The following COBLL1 variants were observed in gnomAD, a reference collection of about 807,000 sequenced individuals.
The protein encoded by COBLL1 is cordon-bleu WH2 repeat protein like 1.
In COBLL1, 50 loss-of-function variants were observed where a neutral mutation model predicts 94.8. That is an observed-to-expected ratio of 0.53 (90% CI 0.42 to 0.67). COBLL1 has a LOEUF of 0.67. Among genes scored for constraint, COBLL1 ranks in the 30% least tolerant of loss-of-function variants. The pLI is 0.00. For synonymous variants in COBLL1, 448 were observed against 473.8 expected, an observed-to-expected ratio of 0.95 and a Z score of 0.71; for missense variants, 1,362 against 1,348.7, an observed-to-expected ratio of 1.01 and a Z score of -0.15.
At position 164,805,569 on chromosome 2, in the gene COBLL1, A is replaced by G. The variant is rs558843079; in HGVS notation, c.41+35587T>C. Among the ~76,000 whole-genome samples, 4 of 151,414 alleles carry G rather than the reference A, an allele frequency of 2.6e-5. No homozygotes were observed. In the East Asian group the frequency reaches 5.8e-4, roughly 22 times the overall value. ...GCTGTCACCATAGTTTATGTTATAT[A>G]GTTGGAATAATATAGTATGTAGCCT... On this transcript the variant is annotated intron_variant, in intron 2 of 13. Transcript: ENST00000652658.
intron 2 of COBLL1, among the ~76,000 whole-genome samples, chr2:164,662,831 G>A (rs770540361): frequency 1.2e-4 from 18 of 152,032 alleles, no homozygotes; most frequent in Non-Finnish European, 1.9e-4. Context: ...CTTGCCTTCC[G>A]CCATAAGTCA....
intron 2 of COBLL1, among the ~76,000 whole-genome samples, chr2:164,660,854 T>C (rs1691058647): frequency 2.0e-5 from 3 of 152,158 alleles, no homozygotes; most frequent in Non-Finnish European, 4.4e-5. Context: ...CATTACAAAA[T>C]GGGTTTGATT....
intron 2 of COBLL1, among the ~76,000 whole-genome samples, chr2:164,752,549 C>T (rs535330201): frequency 6.6e-6 from 1 of 152,270 alleles, no homozygotes; most frequent in Non-Finnish European, 1.5e-5. Context: ...GAGGCAGTTA[C>T]CACTGCCATT....
At chr2:164,753,908 A>C (rs1687259786) in intron 2 of COBLL1, among the ~76,000 whole-genome samples, 1 of 151,806 alleles carries the variant, frequency 6.6e-6, no homozygotes, top group Non-Finnish European at 1.5e-5. Context: ...TGCCCAGCTA[A>C]TTTTTGTAGA....
downstream of COBLL1, among the ~76,000 whole-genome samples, chr2:164,677,222 T>A (rs886756472): frequency 1.3e-5 from 2 of 152,126 alleles, no homozygotes; most frequent in Non-Finnish European, 2.9e-5. Context: ...TCTGTGCCCA[T>A]CGGAACTTGG....
At chr2:164,781,408 T>C (rs933584154) in intron 2 of COBLL1, among the ~76,000 whole-genome samples, 1 of 152,160 alleles carries the variant, frequency 6.6e-6, no homozygotes, top group South Asian at 2.1e-4. Context: ...TGGGCCAATA[T>C]TTAATTTTTA....
chr2:164,757,816 T>TAAA (rs1687486747), intron 2 of COBLL1, among the ~76,000 whole-genome samples: 2 of 150,686 alleles, frequency 1.3e-5, no homozygotes, highest in South Asian at 4.2e-4. Flanking sequence ...TCTCAAAAAA[T>TAAA]AATAATAATA....
At chr2:164,837,026 C>T (rs1435859163) in intron 2 of COBLL1, among the ~76,000 whole-genome samples, 1 of 152,152 alleles carries the variant, frequency 6.6e-6, no homozygotes. Context: ...ACTTTAGAAC[C>T]AATAACACTC....
chr2:164,757,150 C>T (rs954459562), intron 2 of COBLL1, among the ~76,000 whole-genome samples: 8 of 152,086 alleles, frequency 5.3e-5, no homozygotes, highest in Admixed American at 1.3e-4. Flanking sequence ...TGAGAACCAC[C>T]GGTCTCATAT....
intron 4 of COBLL1, among the ~76,000 whole-genome samples, chr2:164,728,461 G>A (rs12692744): frequency 0.19 from 28,308 of 151,854 alleles, 3,254 homozygotes; most frequent in African/African-American, 0.32. Flanking sequence ...TAAAAAACTA[G>A]CCTCATATCT....
At chr2:164,833,741 C>T (rs551312447) in intron 2 of COBLL1, among the ~76,000 whole-genome samples, 185 of 152,238 alleles carry the variant, frequency 1.2e-3, no homozygotes, top group African/African-American at 3.7e-3. Context: ...TAAGCCACCG[C>T]GCCAGGCCGA....
intron 2 of COBLL1, among the ~76,000 whole-genome samples, chr2:164,819,241 A>C (rs1228652800): frequency 6.6e-6 from 1 of 152,224 alleles, no homozygotes; most frequent in Non-Finnish European, 1.5e-5. Context: ...ATAATAAATG[A>C]TAAAACTAGC....
In COBLL1 at chr2:164,683,526, T is replaced by A. The variant is rs1256648939; in HGVS notation, c.*2420A>T. On this transcript the variant is annotated 3_prime_UTR_variant, in exon 14 of 14. Transcript: ENST00000652658. ...TTTTATTATAATTATAAACTACAAG[T>A]ATACTAGAATTTAGAATATAATAAG... 1 of 152,124 alleles carries A rather than the reference T, an allele frequency of 6.6e-6. No individual in the cohort carries two copies. The highest frequency in any genetic ancestry group is 1.9e-4 in the East Asian group (1 of 5,188). 9.4% of individuals were successfully genotyped at this position (152,124 alleles called of 1,614,324 possible).
intron 13 of COBLL1, 95 bp downstream of exon 13, chr2:164,692,126 T>C: frequency 4.4e-6 from 5 of 1,126,478 alleles, no homozygotes; most frequent in Non-Finnish European, 6.1e-6. Context: ...GGGAACCCTA[T>C]TTAGATTTAC....
In COBLL1 at chr2:164,763,608, G is replaced by A. The variant is rs114930727; in HGVS notation, c.42-19733C>T. 5.2e-3 allele frequency among the ~76,000 whole-genome samples: 792 copies of A among 152,118 alleles called. 12 individuals are homozygous for A. Among genetic ancestry groups the A allele is most frequent in the African/African-American group, 0.018 (731 of 41,498 alleles). On this transcript the variant is annotated intron_variant, in intron 2 of 13. Coordinates refer to ENST00000652658, the MANE Select transcript of COBLL1 (RefSeq NM_001365672.2). ...GAAGTATAGACTATATCAAATTATG[G>A]TACATCCACTTGATAAAGTATTATG... is the stretch of plus-strand genomic sequence containing the variant.
At chr2:164,714,178 C>T (rs1181332056) in intron 7 of COBLL1, among the ~76,000 whole-genome samples, 1 of 147,924 alleles carries the variant, frequency 6.8e-6, no homozygotes, top group African/African-American at 2.5e-5. Context: ...CACACACACA[C>T]ACATTAAAAA....
intron 2 of COBLL1, among the ~76,000 whole-genome samples, chr2:164,828,484 G>GA (rs957230711): frequency 3.3e-5 from 5 of 151,460 alleles, no homozygotes; most frequent in Admixed American, 6.6e-5. Context: ...TACATAGCTA[G>GA]AAAAAAAATA....
intron 4 of COBLL1, 57 bp downstream of exon 4, chr2:164,729,857 C>A (rs1178087662): frequency 8.4e-6 from 12 of 1,430,028 alleles, no homozygotes; most frequent in South Asian, 1.2e-5. Flanking sequence ...ATTTCACTTA[C>A]AATGAGCTGC....
At chr2:164,793,286 G>A (rs1683281918) in intron 2 of COBLL1, among the ~76,000 whole-genome samples, 1 of 148,746 alleles carries the variant, frequency 6.7e-6, no homozygotes, top group South Asian at 2.1e-4. Context: ...TTAAAGAAAG[G>A]TTTCAAGCTT....
Sources: gnomAD v4.1 joint callset for allele counts (sites outside exome capture counted in the v4.1 genomes callset) on GRCh38, gnomAD v4.1.1 for gene constraint, MANE v1.5 for transcripts, NCBI Gene and HGNC (gene_info 2026-07-23, HGNC 2026-07-21) for gene names.